CBL: variants seen among roughly 807,000 people sequenced by gnomAD.
CBL encodes E3 ubiquitin-protein ligase CBL.
In CBL, 45 loss-of-function variants were observed where a neutral mutation model predicts 96.9. That is an observed-to-expected ratio of 0.46 (90% CI 0.37 to 0.60). The LOEUF (loss-of-function observed/expected upper bound fraction) is 0.60. CBL is among the 20% of genes least tolerant of loss of function. The pLI, the probability that CBL is intolerant of heterozygous loss-of-function variation, is 0.00. For missense variants in CBL, 1,024 were observed against 1,143.5 expected, an observed-to-expected ratio of 0.90 and a Z score of 1.51; for synonymous variants, 420 against 426.8, an observed-to-expected ratio of 0.98 and a Z score of 0.20.
chr11:119,253,665 T>TTAA (rs545926429), intron 2 of CBL, among the ~76,000 whole-genome samples: 43 of 146,470 alleles, frequency 2.9e-4, no homozygotes, highest in East Asian at 2.6e-3. Context: ...AAACTCTGTC[T>TTAA]TAATAATAAT....
In CBL at chr11:119,304,709, C is replaced by T. The variant is rs1345440197; in HGVS notation, c.*4928C>T. ...TGGTGCAGTCTCAACTCACCACAAC[C>T]TCTGCCTCCCAGGTTCAAGCAGTTC... On this transcript the variant is annotated 3_prime_UTR_variant, in exon 16 of 16. Coordinates refer to ENST00000264033, the MANE Select transcript of CBL (RefSeq NM_005188.4). 4.9e-6 allele frequency: 1 copy of T among 205,678 alleles called. No individual in the cohort carries two copies. 12.7% of individuals were successfully genotyped at this position (205,678 alleles called of 1,614,324 possible).
At chr11:119,262,434 A>G (rs1478371208) in intron 2 of CBL, among the ~76,000 whole-genome samples, 1 of 152,210 alleles carries the variant, frequency 6.6e-6, no homozygotes, top group South Asian at 2.1e-4. Context: ...CTTAGTTTTG[A>G]AGAATGTCCC....
At chr11:119,246,027 T>A (rs1018219709) in intron 2 of CBL, among the ~76,000 whole-genome samples, 6 of 124,624 alleles carry the variant, frequency 4.8e-5, no homozygotes, top group Admixed American at 4.4e-4. Flanking sequence ...CAGGCTGGAG[T>A]GCAGCGGCGC....
At chr11:119,258,817 G>T (rs947220258) in intron 2 of CBL, among the ~76,000 whole-genome samples, 1 of 152,130 alleles carries the variant, frequency 6.6e-6, no homozygotes, top group Non-Finnish European at 1.5e-5. Flanking sequence ...TTTAAAAAAT[G>T]ATGTGGGTAT....
chr11:119,259,249 C>T (rs1045179325), intron 2 of CBL, among the ~76,000 whole-genome samples: 1 of 152,064 alleles, frequency 6.6e-6, no homozygotes, highest in Non-Finnish European at 1.5e-5. Context: ...AGCTTGACTT[C>T]CTCTTCCAAT....
chr11:119,246,187 A>T (rs1301804162), intron 2 of CBL, among the ~76,000 whole-genome samples: 1 of 151,470 alleles, frequency 6.6e-6, no homozygotes, highest in African/African-American at 2.4e-5. Context: ...GTTGGCCAGG[A>T]TAGTCTTGAT....
chr11:119,264,205 T>C (rs927807555), intron 2 of CBL, among the ~76,000 whole-genome samples: 2 of 152,326 alleles, frequency 1.3e-5, no homozygotes, highest in African/African-American at 4.8e-5. Context: ...CTGTAAATTA[T>C]TGGGGGTTTT....
intron 2 of CBL, among the ~76,000 whole-genome samples, chr11:119,258,282 A>G (rs1949726698): frequency 6.6e-6 from 1 of 152,166 alleles, no homozygotes; most frequent in Non-Finnish European, 1.5e-5. Context: ...TTTTTAAAGA[A>G]AGAGATTTAA....
intron 2 of CBL, among the ~76,000 whole-genome samples, chr11:119,267,922 A>C (rs1949816125): frequency 6.6e-6 from 1 of 152,236 alleles, no homozygotes; most frequent in Admixed American, 6.5e-5. Flanking sequence ...TGAGCATTTT[A>C]TTATGTCTAG....
intron 3 of CBL, 45 bp downstream of exon 3, chr11:119,271,926 TAC>T: frequency 6.3e-7 from 1 of 1,586,820 alleles, no homozygotes. Flanking sequence ...AACTAAAGCT[TAC>T]GAGTTTTTTC....
At chr11:119,240,732 G>C (rs1013622206) in intron 2 of CBL, among the ~76,000 whole-genome samples, 2 of 152,122 alleles carry the variant, frequency 1.3e-5, no homozygotes, top group Admixed American at 1.3e-4. Context: ...TTTGTTCCTA[G>C]TTTTTTGGGT....
intron 2 of CBL, among the ~76,000 whole-genome samples, chr11:119,267,051 G>T (rs1156866730): frequency 1.3e-5 from 2 of 152,164 alleles, no homozygotes; most frequent in Admixed American, 1.3e-4. Context: ...GACAGATTCT[G>T]CTGATTAAAT....
chr11:119,217,675 T>G (rs11217189), intron 1 of CBL, among the ~76,000 whole-genome samples: 36,352 of 151,984 alleles, frequency 0.24, 4,571 homozygotes, highest in East Asian at 0.39. Context: ...TTATTTTGGA[T>G]AAGCTTGGCG....
chr11:119,206,359 C>T lies in CBL; in HGVS notation c.-59C>T. 1 of 1,350,834 alleles carries T rather than the reference C, an allele frequency of 7.4e-7. No homozygotes were observed. The highest frequency in any genetic ancestry group is 9.8e-7 in the Non-Finnish European group (1 of 1,023,046). The allele number at this position is 1,350,834 out of a possible 1,614,324, so 83.7% of individuals were successfully genotyped here. On this transcript the variant is annotated 5_prime_UTR_variant, in exon 1 of 16. Coordinates refer to ENST00000264033, the MANE Select transcript of CBL (RefSeq NM_005188.4). ...CCCTCCTTCACGCCCTGCTTCTCTC[C>T]CTCGCTCGCAGTCGAGCCGAGCCGG... is the stretch of plus-strand genomic sequence containing the variant.
At chr11:119,238,305 G>T (rs1949560344) in intron 2 of CBL, among the ~76,000 whole-genome samples, 1 of 151,364 alleles carries the variant, frequency 6.6e-6, no homozygotes, top group Non-Finnish European at 1.5e-5. Context: ...TGCCTCCCGG[G>T]TTCAAGCGAT....
intron 1 of CBL, among the ~76,000 whole-genome samples, chr11:119,222,350 A>T (rs959297824): frequency 4.6e-5 from 7 of 152,074 alleles, no homozygotes; most frequent in Admixed American, 3.3e-4. Flanking sequence ...ATTCCTCTTT[A>T]TTGTGATCAT....
intron 9 of CBL, among the ~76,000 whole-genome samples, chr11:119,283,400 C>T (rs1488239535): frequency 6.6e-6 from 1 of 151,822 alleles, no homozygotes; most frequent in Admixed American, 6.6e-5. Flanking sequence ...GTTTTTCTGT[C>T]AGTGTTGCTT....
At chr11:119,280,276 CAG>C (rs1949923080) in intron 9 of CBL, among the ~76,000 whole-genome samples, 1 of 152,134 alleles carries the variant, frequency 6.6e-6, no homozygotes, top group African/African-American at 2.4e-5. Flanking sequence ...TTATAATTAA[CAG>C]AGGGGCTTAT....
At chr11:119,208,108 TATA>T (rs560431515) in intron 1 of CBL, among the ~76,000 whole-genome samples, 73 of 152,278 alleles carry the variant, frequency 4.8e-4, no homozygotes, top group Admixed American at 2.3e-3. Flanking sequence ...TGTTAGAAAT[TATA>T]ATAAAATCCT....
Sources: gnomAD v4.1 joint callset for allele counts (sites outside exome capture counted in the v4.1 genomes callset) on GRCh38, gnomAD v4.1.1 for gene constraint, MANE v1.5 for transcripts, NCBI Gene and HGNC (gene_info 2026-07-23, HGNC 2026-07-21) for gene names.